Variants in NASP observed in about 807,000 individuals in gnomAD.
NASP encodes nuclear autoantigenic sperm protein, also known as NASP histone chaperone.
NASP carries 24 observed loss-of-function variants against 89.5 expected under a neutral mutation model. That is an observed-to-expected ratio of 0.27 (90% CI 0.19 to 0.38). The LOEUF (loss-of-function observed/expected upper bound fraction) is 0.38, where lower values mean the gene tolerates loss of function less well. Among genes scored for constraint, NASP ranks in the 10% least tolerant of loss-of-function variants. The pLI, the probability that NASP is intolerant of heterozygous loss-of-function variation, is 1.00. For synonymous variants in NASP, 306 were observed against 324.7 expected, an observed-to-expected ratio of 0.94 and a Z score of 0.62; for missense variants, 848 against 921.4, an observed-to-expected ratio of 0.92 and a Z score of 1.03.
chr1:45,584,137 CAG>C lies in NASP; in HGVS notation c.-9_-8del, dbSNP rs752944310. 3.8e-6 allele frequency: 6 copies of C among 1,589,674 alleles called. No individual in the cohort carries two copies. The highest frequency in any genetic ancestry group is 1.1e-5 in the South Asian group (1 of 87,382). On this transcript the variant is annotated 5_prime_UTR_variant, in exon 1 of 15. Coordinates refer to ENST00000350030, the MANE Select transcript of NASP (RefSeq NM_002482.4). ...TATTCCGTTCGCTGGTTCGCCACCTCAGGGGAACGATGGCCATGGAGTCCACA... is the reference window on the plus strand; with the variant it reads ...TATTCCGTTCGCTGGTTCGCCACCTCGGGAACGATGGCCATGGAGTCCACA...
chr1:45,617,808 G>A (rs947733056), intron 14 of NASP, among the ~76,000 whole-genome samples: 7 of 152,182 alleles, frequency 4.6e-5, no homozygotes, highest in African/African-American at 1.7e-4. Flanking sequence ...TAGGTCCCTC[G>A]ATGAATATAT....
At chr1:45,594,476 T>A (rs1643639133) in intron 2 of NASP, among the ~76,000 whole-genome samples, 1 of 152,172 alleles carries the variant, frequency 6.6e-6, no homozygotes, top group South Asian at 2.1e-4. Flanking sequence ...GTTTCTGGAC[T>A]GACTAAATGT....
chr1:45,589,789 T>C (rs1271521108), intron 1 of NASP, among the ~76,000 whole-genome samples: 2 of 151,792 alleles, frequency 1.3e-5, no homozygotes, highest in African/African-American at 2.4e-5. Flanking sequence ...TAATCCCAGC[T>C]ACTTGGGAGG....
intron 9 of NASP, 101 bp from the exon 10 acceptor site, chr1:45,614,912 A>G (rs1644077002): frequency 1.0e-6 from 1 of 978,336 alleles, no homozygotes; most frequent in African/African-American, 1.6e-5. Context: ...CAAAAATGGA[A>G]TGTTAAATAT....
chr1:45,598,010 C>A (rs558275815), intron 2 of NASP, among the ~76,000 whole-genome samples: 3 of 152,096 alleles, frequency 2.0e-5, no homozygotes, highest in Non-Finnish European at 2.9e-5. Flanking sequence ...TACTTTTGTT[C>A]TTAATTGAAG....
Position 45,607,796 on chromosome 1 carries a change from A to G in NASP, c.885A>G (p.Val295=), listed in dbSNP as rs373754862. 3.3e-5 allele frequency: 53 copies of G among 1,614,074 alleles called. No individual in the cohort carries two copies. The highest frequency in any genetic ancestry group is 4.4e-5 in the Non-Finnish European group (52 of 1,180,044). ...AAAAGCAGGGCACTGCAGTGGAGGT[A>G]GAAGCAGAGTCTTTAGACCCGACAG... ...TLEKQGTAVE[V]EAESLDPTVK... is the part of the protein sequence containing the mutation. The change falls in exon 6 of 15, where the codon GTA becomes GTG. Residue 295 remains valine, a synonymous_variant. Transcript: ENST00000350030.
intron 4 of NASP, among the ~76,000 whole-genome samples, chr1:45,605,422 A>C (rs1290062857): frequency 6.6e-6 from 1 of 152,196 alleles, no homozygotes; most frequent in Non-Finnish European, 1.5e-5. Flanking sequence ...TTTAGGGTAT[A>C]CAAACTAGCA....
chr1:45,617,440 A>C (rs751101360), intron 13 of NASP, 23 bp from the exon 14 acceptor site: 1 of 1,604,232 alleles, frequency 6.2e-7, no homozygotes. Flanking sequence ...ACATTTGTGA[A>C]GCCTTCACAA....
chr1:45,588,761 A>C, intron 1 of NASP: 4 of 273,764 alleles, frequency 1.5e-5, no homozygotes, highest in Admixed American at 5.1e-5. Context: ...ACACGGTGAA[A>C]CCCCATCTCT....
intron 4 of NASP, chr1:45,605,586 C>T (rs1643897078): frequency 6.6e-6 from 1 of 152,202 alleles, no homozygotes; most frequent in African/African-American, 2.4e-5. Flanking sequence ...CCCCAGCCTC[C>T]TGAGTAGCTG....
chr1:45,591,134 T>G, intron 1 of NASP, 89 bp from the exon 2 acceptor site: 1 of 756,934 alleles, frequency 1.3e-6, no homozygotes, highest in Admixed American at 2.8e-5. Context: ...GCTCTTTTAT[T>G]CCTTTATATT....
Position 45,587,684 on chromosome 1 carries a change from AT to A in NASP, c.59+3480del, listed in dbSNP as rs1557647860. Among the ~76,000 whole-genome samples, 506 of 107,584 alleles carry A rather than the reference AT, an allele frequency of 4.7e-3. 53 individuals are homozygous for A. Among genetic ancestry groups the A allele is most frequent in the East Asian group, 0.017 (63 of 3,634 alleles). The allele number at this position is 107,584 out of a possible 152,430, so 70.6% of individuals were successfully genotyped here. ...TTCATATATATATATATATATATAT[AT>A]ATAATTAATTTTTTGGAGAGAGAGT... On this transcript the variant is annotated intron_variant, in intron 1 of 14. Transcript: ENST00000350030.
intron 2 of NASP, among the ~76,000 whole-genome samples, chr1:45,595,129 T>TTGTGTGTGTGTGTGTGTGTG (rs57391869): frequency 4.5e-5 from 5 of 111,784 alleles, no homozygotes; most frequent in East Asian, 2.7e-4. Flanking sequence ...AGACTAAGTT[T>TTGTGTGTGTGTGTGTGTGTG]TGTGTGTGTG....
chr1:45,586,292 T>TG (rs1557646626), intron 1 of NASP, among the ~76,000 whole-genome samples: 8 of 95,846 alleles, frequency 8.3e-5, no homozygotes, highest in Middle Eastern at 4.9e-3. Context: ...GTGGTGTGTG[T>TG]GTGTGTGTGT....
intron 2 of NASP, among the ~76,000 whole-genome samples, chr1:45,595,946 C>G (rs533340745): frequency 6.6e-6 from 1 of 152,296 alleles, no homozygotes; most frequent in South Asian, 2.1e-4. Flanking sequence ...TGTAACTTTA[C>G]TGGCTTTTAT....
chr1:45,594,449 T>A (rs1367820051), intron 2 of NASP, among the ~76,000 whole-genome samples: 6 of 152,196 alleles, frequency 3.9e-5, no homozygotes, highest in Admixed American at 3.9e-4. Flanking sequence ...ACTCATAGGA[T>A]GTACCATAGT....
intron 1 of NASP, among the ~76,000 whole-genome samples, chr1:45,586,411 G>A (rs1644551167): frequency 6.6e-6 from 1 of 151,552 alleles, no homozygotes; most frequent in African/African-American, 2.4e-5. Flanking sequence ...TCAGCCTCCC[G>A]AGTAGCTGGG....
intron 3 of NASP, among the ~76,000 whole-genome samples, chr1:45,603,519 T>G (rs1643876443): frequency 6.6e-6 from 1 of 152,136 alleles, no homozygotes; most frequent in African/African-American, 2.4e-5. Context: ...ATCTTTTGTC[T>G]GATTCCTGTC....
chr1:45,589,601 A>G (rs1643468028), intron 1 of NASP, among the ~76,000 whole-genome samples: 1 of 152,120 alleles, frequency 6.6e-6, no homozygotes, highest in South Asian at 2.1e-4. Context: ...TTAACATTTT[A>G]AAAAATAACT....
Sources: gnomAD v4.1 joint callset for allele counts (sites outside exome capture counted in the v4.1 genomes callset) on GRCh38, gnomAD v4.1.1 for gene constraint, MANE v1.5 for transcripts, NCBI Gene and HGNC (gene_info 2026-07-23, HGNC 2026-07-21) for gene names.